Variants in USP31 observed in about 807,000 individuals in gnomAD.
The protein encoded by USP31 is ubiquitin specific peptidase 31, also known as ubiquitin carboxyl-terminal hydrolase 31.
In USP31, 44 loss-of-function variants were observed where a neutral mutation model predicts 119.4. The ratio of observed to expected loss-of-function variants is 0.37; its 90% CI spans 0.29 to 0.47. USP31 has a LOEUF of 0.47. Ranked by LOEUF, USP31 falls within the 20% of genes least tolerant of loss-of-function variation. The pLI is 0.99. For synonymous variants in USP31, 749 were observed against 705.6 expected (o/e 1.06, Z -0.97); for missense variants, 1,643 against 1,730.2 (o/e 0.95, Z 0.89).
intron 8 of USP31, 69 bp from the exon 9 acceptor site, chr16:23,087,255 T>G: frequency 7.4e-7 from 1 of 1,359,510 alleles, no homozygotes. Context: ...CAGTGGCATT[T>G]CCAAAACAGA....
intron 4 of USP31, 79 bp downstream of exon 4, chr16:23,106,131 TAAG>T: frequency 1.4e-6 from 2 of 1,438,850 alleles, no homozygotes; most frequent in Non-Finnish European, 1.9e-6. Context: ...TCTAAATAAG[TAAG>T]AAGACCTAAT....
rs540071499 is a variant in USP31 at position 23,068,323 on chromosome 16, G to C, written c.3782C>G (p.Ser1261Cys). The change falls in exon 16 of 16, where the codon TCT (serine) becomes TGT (cysteine). Residue 1261 changes from serine to cysteine, a missense_variant. Physicochemically the swap from Ser to Cys is moderately radical, Grantham distance 112. This residue lies in a region of USP31 where 699 missense variants were observed against 650.9 expected (regional missense o/e 1.07). Transcript: ENST00000219689. ...GTCGTCCCCGGTGTTCTTACAGACAGACTTAACAGAGCTCCCACCAGCCTT... is the reference window on the plus strand; with the variant it reads ...GTCGTCCCCGGTGTTCTTACAGACACACTTAACAGAGCTCCCACCAGCCTT... ...SKKAGGSSVK[S>C]VCKNTGDDEA... 6.2e-7 allele frequency: 1 copy of C among 1,614,146 alleles called. No individual in the cohort carries two copies. Among genetic ancestry groups the C allele is most frequent in the African/African-American group, 1.3e-5 (1 of 75,056 alleles).
chr16:23,115,502 TAAA>T (rs1308226109), intron 1 of USP31, among the ~76,000 whole-genome samples: 2 of 151,878 alleles, frequency 1.3e-5, no homozygotes, highest in East Asian at 3.9e-4. Flanking sequence ...TTAAAATAAA[TAAA>T]AAGAAAATAG....
At chr16:23,108,412 T>C (rs1021687331) in intron 1 of USP31, among the ~76,000 whole-genome samples, 1 of 152,140 alleles carries the variant, frequency 6.6e-6, no homozygotes, top group Admixed American at 6.5e-5. Context: ...TAGGAGTGTA[T>C]CTAAAGACAT....
At chr16:23,124,485 A>G (rs1902782221) in intron 1 of USP31, among the ~76,000 whole-genome samples, 1 of 152,226 alleles carries the variant, frequency 6.6e-6, no homozygotes, top group Admixed American at 6.5e-5. Context: ...TCATACTGAG[A>G]AGTGAGTGCC....
chr16:23,076,921 C>T (rs981045426), intron 13 of USP31, among the ~76,000 whole-genome samples: 2 of 152,198 alleles, frequency 1.3e-5, no homozygotes, highest in Non-Finnish European at 2.9e-5. Flanking sequence ...AGAATTCCAT[C>T]ACTCAGTACC....
At position 23,080,159 on chromosome 16, in the gene USP31, G is replaced by C; in HGVS notation, c.1963C>G (p.Arg655Gly). 6.5e-7 allele frequency: 1 copy of C among 1,548,084 alleles called. No homozygotes were observed. Among genetic ancestry groups the C allele is most frequent in the Non-Finnish European group, 8.7e-7 (1 of 1,151,104 alleles). Residue 655 changes from arginine to glycine, a missense_variant, in exon 13 of 16, where the codon CGC (arginine) becomes GGC (glycine). Arg to Gly is a moderately radical substitution (Grantham distance 125). This residue lies in a region of USP31 where 279 missense variants were observed against 372.2 expected (regional missense o/e 0.75). Coordinates refer to ENST00000219689, the MANE Select transcript of USP31 (RefSeq NM_020718.4). ...TTGACCATGTTCTGAAGTTTCATGC[G>C]CCTGTCTCCTTCCTGTTGCAAGAAG... ...LKRFRQEGDR[R>G]MKLQNMVKFP...
intron 6 of USP31, among the ~76,000 whole-genome samples, chr16:23,100,611 A>G (rs889206372): frequency 6.6e-6 from 1 of 152,012 alleles, no homozygotes; most frequent in Non-Finnish European, 1.5e-5. Context: ...TATCTCTACT[A>G]AAAATATAAA....
chr16:23,074,009 G>A (rs1375868732), intron 13 of USP31, 129 bp from the exon 14 acceptor site: 1 of 1,240,290 alleles, frequency 8.1e-7, no homozygotes, highest in Non-Finnish European at 1.1e-6. Context: ...TAGCAACACA[G>A]AAAGAGATTA....
At chr16:23,112,891 G>A (rs545469760) in intron 1 of USP31, among the ~76,000 whole-genome samples, 44 of 151,948 alleles carry the variant, frequency 2.9e-4, no homozygotes, top group Middle Eastern at 3.4e-3. Context: ...AGCCGGGCAC[G>A]GTGGTGCATG....
intron 1 of USP31, among the ~76,000 whole-genome samples, chr16:23,127,725 G>T (rs191642261): frequency 6.9e-6 from 1 of 143,926 alleles, no homozygotes; most frequent in African/African-American, 2.6e-5. Context: ...TGATCCACCC[G>T]CCTCGGCCTC....
intron 1 of USP31, among the ~76,000 whole-genome samples, chr16:23,133,144 C>T (rs1301008712): frequency 1.3e-5 from 2 of 152,182 alleles, no homozygotes; most frequent in Non-Finnish European, 2.9e-5. Flanking sequence ...TTTCAGACAA[C>T]CTGCTCATAA....
intron 1 of USP31, among the ~76,000 whole-genome samples, chr16:23,115,597 G>A (rs1444004244): frequency 6.6e-6 from 1 of 152,170 alleles, no homozygotes; most frequent in Non-Finnish European, 1.5e-5. Context: ...TGTGGGTATA[G>A]TGTTTCTGTT....
At chr16:23,104,852 G>C (rs546254733) in intron 5 of USP31, among the ~76,000 whole-genome samples, 44 of 152,134 alleles carry the variant, frequency 2.9e-4, no homozygotes, top group Non-Finnish European at 5.4e-4. Context: ...CAGGTCAAAA[G>C]TATTTTTGGT....
rs1467161806 is a variant in USP31, at chr16:23,085,645, C to A, written c.1640G>T (p.Gly547Val). The A allele has an allele frequency of 6.2e-7, 1 of 1,613,912 alleles. No individual in the cohort carries two copies. Among genetic ancestry groups the A allele is most frequent in the Non-Finnish European group, 8.5e-7 (1 of 1,179,908 alleles). Residue 547 changes from glycine to valine, a missense_variant, in exon 10 of 16, where the codon GGA (glycine) becomes GTA (valine). Around this residue, in one of 5 missense-constraint regions of USP31, gnomAD observed 219 missense variants for 226.4 expected, o/e 0.97. Coordinates refer to ENST00000219689, the MANE Select transcript of USP31 (RefSeq NM_020718.4). ...TTTCACATGAGCAGTGCCACCTGGT[C>A]CACAAGATTTTAATGCCCTATAGAA... ...PIVERALKSCGPGGTAHVKLV... is the reference protein window; with the variant it reads ...PIVERALKSCVPGGTAHVKLV...
intron 1 of USP31, among the ~76,000 whole-genome samples, chr16:23,115,233 T>C (rs1287494914): frequency 6.6e-6 from 1 of 152,244 alleles, no homozygotes. Context: ...AATTAAACCT[T>C]AGTTTATTTG....
At chr16:23,147,477 T>C (rs1205686807) in intron 1 of USP31, among the ~76,000 whole-genome samples, 2 of 152,162 alleles carry the variant, frequency 1.3e-5, no homozygotes, top group Non-Finnish European at 2.9e-5. Context: ...TCTCACATCA[T>C]GTTCCCCTTC....
rs748225265 is a variant in USP31, at chr16:23,148,806, G to A, written c.465C>T (p.Tyr155=). The change falls in exon 1 of 16, where the codon TAC becomes TAT. Residue 155 remains tyrosine, a synonymous_variant. Coordinates refer to ENST00000219689, the MANE Select transcript of USP31 (RefSeq NM_020718.4). The part of the protein sequence containing the change: ...CLSNTELFAE[Y]LALGQYRAGR... ...CCGCCCGGTACTGGCCCAGCGCCAG[G>A]TACTCGGCGAAGAGCTCGGTGTTGC... is the stretch of plus-strand genomic sequence containing the variant. 1.3e-6 allele frequency: 2 copies of A among 1,538,722 alleles called. No individual in the cohort carries two copies. Among genetic ancestry groups the A allele is most frequent in the African/African-American group, 1.4e-5 (1 of 69,796 alleles).
rs755143839 is a variant in USP31, at chr16:23,072,094, C to T, written c.2439G>A (p.Ala813=). The T allele has an allele frequency of 4.3e-6, 7 of 1,613,788 alleles. No individual in the cohort carries two copies. Among genetic ancestry groups the T allele is most frequent in the Admixed American group, 1.7e-5 (1 of 60,022 alleles). ...TCATCTCCACGGACTCAGAGAGCGA[C>T]GCCAGGGAGGTGCGTCTGGAGGAAG... ...SAASSRRTSL[A]SLSESVEMTG... is the part of the protein sequence containing the mutation. Residue 813 remains alanine (A), a synonymous_variant, in exon 15 of 16, where the codon GCG becomes GCA. Transcript: ENST00000219689.
Sources: allele counts gnomAD v4.1 joint callset (sites outside exome capture counted in the v4.1 genomes callset), GRCh38; gene constraint gnomAD v4.1.1; regional missense constraint gnomAD v4.1.1; transcripts MANE v1.5; gene names NCBI Gene and HGNC (gene_info 2026-07-23, HGNC 2026-07-21).